The following ZNF254 variants were observed in gnomAD, a reference collection of about 807,000 sequenced individuals.
ZNF254 encodes the protein CTD-2017D11.1.
In ZNF254, 10 loss-of-function variants were observed where a neutral mutation model predicts 12.4. The observed-to-expected ratio is 0.80, with a 90% CI of 0.50 to 1.36. The LOEUF (loss-of-function observed/expected upper bound fraction) is 1.36, where lower values mean the gene tolerates loss of function less well. Ranked by LOEUF, ZNF254 falls within the 40% of genes most tolerant of loss-of-function variation. ZNF254 has a pLI of 0.00. For synonymous variants in ZNF254, 305 were observed against 253.4 expected, an observed-to-expected ratio of 1.20 and a Z score of -1.93; for missense variants, 996 against 763.9, an observed-to-expected ratio of 1.30 and a Z score of -3.58.
chr19:24,122,793 C>T (rs1343764860), intron 3 of ZNF254, among the ~76,000 whole-genome samples: 1 of 145,498 alleles, frequency 6.9e-6, no homozygotes, highest in African/African-American at 2.6e-5. Context: ...TATTGGCTTA[C>T]AGTAACAATG....
intron 2 of ZNF254, among the ~76,000 whole-genome samples, chr19:24,047,213 T>C (rs1317853474): frequency 4.6e-5 from 7 of 151,768 alleles, no homozygotes; most frequent in African/African-American, 9.7e-5. Context: ...TGTCTCTCTC[T>C]TTCTATGTGT....
upstream of ZNF254, among the ~76,000 whole-genome samples, chr19:24,085,408 GTATATATATATA>G (rs377541868): frequency 3.1e-5 from 1 of 32,710 alleles, no homozygotes. Context: ...TTTGTTAAGG[GTATATATATATA>G]TATATAAAAA....
Position 24,105,927 on chromosome 19 carries a change from G to T in ZNF254, c.31-13G>T. On this transcript the variant is annotated splice_polypyrimidine_tract_variant and intron_variant, in intron 1 of 3. Transcript: ENST00000357002. ...CCACTTTGTAAATATGTGTGTTTGT[G>T]TGTGTTTTCCAGGGACTGTTGACAT... 2 of 1,584,898 alleles carry T rather than the reference G, an allele frequency of 1.3e-6. No individual in the cohort carries two copies. Among genetic ancestry groups the T allele is most frequent in the Non-Finnish European group, 8.6e-7 (1 of 1,162,106 alleles).
At chr19:24,048,003 CTTTTTTTTTTT>C (rs398034320) in intron 2 of ZNF254, among the ~76,000 whole-genome samples, 1 of 68,810 alleles carries the variant, frequency 1.5e-5, no homozygotes, top group Admixed American at 2.3e-4. Context: ...TTCTTTTCTT[CTTTTTTTTTTT>C]TTTTTTTTTT....
upstream of ZNF254, among the ~76,000 whole-genome samples, chr19:24,083,227 AT>A (rs769995876): frequency 5.5e-4 from 83 of 152,230 alleles, 1 homozygote; most frequent in Admixed American, 2.6e-3. Flanking sequence ...CTGCAAAAAA[AT>A]AATACTAATA....
intron 2 of ZNF254, among the ~76,000 whole-genome samples, chr19:24,054,931 G>T (rs537525664): frequency 1.3e-5 from 2 of 151,960 alleles, no homozygotes; most frequent in Non-Finnish European, 1.5e-5. Context: ...CTAACCAGGC[G>T]CAGTGGCTCA....
chr19:24,126,241 A>AT lies in ZNF254; in HGVS notation c.254-4dup, dbSNP rs201130177. 3.2e-3 allele frequency: 4,361 copies of AT among 1,366,204 alleles called. 12 individuals carry two copies. Among genetic ancestry groups the AT allele is most frequent in the African/African-American group, 0.022 (1,457 of 66,714 alleles). 84.6% of individuals were successfully genotyped at this position (1,366,204 alleles called of 1,614,324 possible). A position where few individuals can be genotyped will look rare whatever the true frequency, so the allele number is the denominator to read the frequency against. ...TAAGTGGAGTAATTTATTTATTTTT[A>AT]TTTTTTTTTCAGGTATGTGTCCTCA... On this transcript the variant is annotated splice_polypyrimidine_tract_variant and intron_variant, in intron 3 of 3. Transcript: ENST00000357002.
chr19:24,120,734 C>T (rs1164163917), intron 3 of ZNF254, among the ~76,000 whole-genome samples: 3 of 152,052 alleles, frequency 2.0e-5, no homozygotes, highest in Non-Finnish European at 4.4e-5. Context: ...ACAATCTCAG[C>T]TCCCTGCAAG....
upstream of ZNF254, among the ~76,000 whole-genome samples, chr19:24,083,925 G>A (rs1251170806): frequency 3.9e-5 from 6 of 151,962 alleles, no homozygotes; most frequent in East Asian, 1.9e-4. Flanking sequence ...AAAACAGTAT[G>A]GAGATTCATT....
At chr19:24,063,652 C>T (rs1971160368) in intron 2 of ZNF254, among the ~76,000 whole-genome samples, 1 of 152,164 alleles carries the variant, frequency 6.6e-6, no homozygotes, top group South Asian at 2.1e-4. Flanking sequence ...TCCTGCCTGT[C>T]CCTAATCACA....
intron 3 of ZNF254, among the ~76,000 whole-genome samples, chr19:24,114,037 CA>C (rs2145880918): frequency 6.6e-6 from 1 of 151,600 alleles, no homozygotes; most frequent in East Asian, 2.0e-4. Flanking sequence ...AGGATACAAA[CA>C]AATGGAAGAA....
At chr19:24,098,152 C>T (rs1247839349) in intron 1 of ZNF254, among the ~76,000 whole-genome samples, 2 of 152,054 alleles carry the variant, frequency 1.3e-5, no homozygotes, top group African/African-American at 2.4e-5. Context: ...ATTATTCATA[C>T]TTACATATTT....
At chr19:24,082,187 A>G (rs562285893), upstream of ZNF254, among the ~76,000 whole-genome samples, 2 of 152,156 alleles carry the variant, frequency 1.3e-5, no homozygotes, top group East Asian at 3.9e-4. Flanking sequence ...AAGATTCTTT[A>G]TCACAAACCC....
At chr19:24,053,169 G>A (rs1202599048) in intron 2 of ZNF254, among the ~76,000 whole-genome samples, 2 of 152,140 alleles carry the variant, frequency 1.3e-5, no homozygotes, top group Non-Finnish European at 2.9e-5. Flanking sequence ...AGAGAGGTTA[G>A]TGTCTCTGAG....
intron 1 of ZNF254, among the ~76,000 whole-genome samples, chr19:24,088,139 C>T (rs1488316204): frequency 6.6e-6 from 1 of 152,008 alleles, no homozygotes; most frequent in Non-Finnish European, 1.5e-5. Context: ...AACTCCTGAC[C>T]TCAGGTGATC....
intron 3 of ZNF254, among the ~76,000 whole-genome samples, chr19:24,115,381 T>G (rs1275570278): frequency 6.6e-6 from 1 of 152,138 alleles, no homozygotes; most frequent in East Asian, 1.9e-4. Context: ...TGTAGGGACA[T>G]GGATGAAATT....
rs191172421 is a variant in ZNF254, at chr19:24,124,650, T to C, written c.254-1604T>C. Among the ~76,000 whole-genome samples the C allele has an allele frequency of 1.5e-3, 232 of 152,286 alleles. 1 individual carries two copies. Among genetic ancestry groups the C allele is most frequent in the African/African-American group, 5.1e-3 (210 of 41,560 alleles). Reference sequence around the variant, plus strand: ...CTCAATTAATTAAACCTTTTTTTTTTCCACAATTTTTGTCATGACTACATC... The same window carrying C: ...CTCAATTAATTAAACCTTTTTTTTTCCCACAATTTTTGTCATGACTACATC... On this transcript the variant is annotated intron_variant, in intron 3 of 3. Transcript: ENST00000357002.
intron 2 of ZNF254, among the ~76,000 whole-genome samples, chr19:24,070,329 T>A (rs1162081858): frequency 1.3e-5 from 2 of 152,226 alleles, no homozygotes; most frequent in African/African-American, 2.4e-5. Context: ...ATTGTGATGC[T>A]GGTTTTCACA....
intron 1 of ZNF254, among the ~76,000 whole-genome samples, chr19:24,036,230 AT>A (rs58426877): frequency 0.15 from 21,979 of 146,598 alleles, 2,454 homozygotes; most frequent in African/African-American, 0.32. Context: ...GCTCGGCTAA[AT>A]TTTTTTTTTT....
Sources: allele counts gnomAD v4.1 joint callset (sites outside exome capture counted in the v4.1 genomes callset), GRCh38; gene constraint gnomAD v4.1.1; transcripts MANE v1.5; gene names NCBI Gene and HGNC (gene_info 2026-07-23, HGNC 2026-07-21).